CFAP91: variants seen among roughly 807,000 people sequenced by gnomAD.
The protein encoded by CFAP91 is cilia and flagella associated protein 91.
A neutral mutation model predicts 95.9 loss-of-function variants in CFAP91; 85 were observed. The observed-to-expected ratio is 0.89, with a 90% CI of 0.74 to 1.06. The LOEUF is 1.06. Among genes scored for constraint, CFAP91 ranks in the 50% least tolerant of loss-of-function variants. The pLI, the probability that CFAP91 is intolerant of heterozygous loss-of-function variation, is 0.00. For synonymous variants in CFAP91, 335 were observed against 327.5 expected, an observed-to-expected ratio of 1.02 and a Z score of -0.25; for missense variants, 962 against 943.4, an observed-to-expected ratio of 1.02 and a Z score of -0.26.
chr3:119,766,018 GA>G lies in CFAP91; in HGVS notation c.*972del, dbSNP rs1364009225. The G allele has an allele frequency of 2.6e-5, 4 of 152,194 alleles. No individual in the cohort carries two copies. Among genetic ancestry groups the G allele is most frequent in the African/African-American group, 9.7e-5 (4 of 41,448 alleles). 9.4% of individuals were successfully genotyped at this position (152,194 alleles called of 1,614,324 possible). On this transcript the variant is annotated 3_prime_UTR_variant, in exon 18 of 18. Transcript: ENST00000273390. ...TCAAAAAATAGATGCAGGCTGAAAA[GA>G]AAAGGAAGTGGGCTAAGATGGGAAA...
At chr3:119,721,850 C>T (rs1031896635) in intron 6 of CFAP91, among the ~76,000 whole-genome samples, 3 of 152,150 alleles carry the variant, frequency 2.0e-5, no homozygotes, top group East Asian at 1.9e-4. Flanking sequence ...ATACATCAGT[C>T]GCTTTCCTAT....
intron 16 of CFAP91, among the ~76,000 whole-genome samples, chr3:119,748,403 G>A (rs563962846): frequency 3.9e-5 from 6 of 152,162 alleles, no homozygotes; most frequent in Admixed American, 6.5e-5. Flanking sequence ...ATTTGTCACC[G>A]GTGGCATGTT....
intron 5 of CFAP91, chr3:119,713,058 C>T (rs1448874075): frequency 1.3e-5 from 2 of 151,282 alleles, no homozygotes; most frequent in Non-Finnish European, 2.9e-5. Context: ...GCTTGAAATG[C>T]TTTTTTAAAA....
At chr3:119,721,767 C>G (rs1408920877) in intron 6 of CFAP91, among the ~76,000 whole-genome samples, 1 of 152,180 alleles carries the variant, frequency 6.6e-6, no homozygotes, top group Non-Finnish European at 1.5e-5. Flanking sequence ...GCAAAACTAT[C>G]CTTATTTGCA....
intron 4 of CFAP91, 31 bp downstream of exon 4, chr3:119,708,705 C>T: frequency 7.9e-7 from 1 of 1,263,438 alleles, no homozygotes; most frequent in South Asian, 1.3e-5. Flanking sequence ...AATATTTGAG[C>T]CCTAATATTA....
chr3:119,748,520 T>C (rs1183974919), intron 16 of CFAP91, among the ~76,000 whole-genome samples: 1 of 152,204 alleles, frequency 6.6e-6, no homozygotes, highest in Admixed American at 6.5e-5. Flanking sequence ...GGCTTGATCC[T>C]AGACAGAGGG....
rs1310798597 is a variant in CFAP91, at chr3:119,765,653, AGTG to A, written c.*604_*606del. 6.6e-6 allele frequency: 1 copy of A among 152,224 alleles called. No individual in the cohort carries two copies. Among genetic ancestry groups the A allele is most frequent in the African/African-American group, 2.4e-5 (1 of 41,458 alleles). The allele number at this position is 152,224 out of a possible 1,614,324, so 9.4% of individuals were successfully genotyped here. ...CCACCTTTGAGCTTTAGATCTAAGAAGTGTGTTCATGCAACAGCCATAGAGATG... is the reference window on the plus strand; with the variant it reads ...CCACCTTTGAGCTTTAGATCTAAGAATGTTCATGCAACAGCCATAGAGATG... On this transcript the variant is annotated 3_prime_UTR_variant, in exon 18 of 18. Transcript: ENST00000273390.
chr3:119,740,922 G>A (rs145901381), intron 13 of CFAP91: 12 of 499,704 alleles, frequency 2.4e-5, no homozygotes, highest in South Asian at 4.1e-5. Flanking sequence ...TGATGCAGTC[G>A]TGGCTCACTG....
At position 119,732,449 on chromosome 3, in the gene CFAP91, A is replaced by G; in HGVS notation, c.1174A>G (p.Lys392Glu). 1 of 1,607,066 alleles carries G rather than the reference A, an allele frequency of 6.2e-7. No individual in the cohort carries two copies. The highest frequency in any genetic ancestry group is 8.5e-7 in the Non-Finnish European group (1 of 1,177,894). ...CAACAACTCAGAGGACTTTGTAGTAAAAAACTACTATCTCAACACCTATGA... is the reference window on the plus strand; with the variant it reads ...CAACAACTCAGAGGACTTTGTAGTAGAAAACTACTATCTCAACACCTATGA... ...PDNNSEDFVVKNYYLNTYEGL... is the reference protein window; with the variant it reads ...PDNNSEDFVVENYYLNTYEGL... The change falls in exon 9 of 18, where the codon AAA (lysine) becomes GAA (glutamate). Residue 392 changes from lysine (K) to glutamate (E), a missense_variant. Coordinates refer to ENST00000273390, the MANE Select transcript of CFAP91 (RefSeq NM_033364.4).
At chr3:119,761,683 A>C (rs750284529) in intron 17 of CFAP91, among the ~76,000 whole-genome samples, 3 of 152,024 alleles carry the variant, frequency 2.0e-5, no homozygotes, top group Non-Finnish European at 4.4e-5. Context: ...ATGGCTCAAC[A>C]TACACAAATC....
chr3:119,742,693 C>G (rs751941794), intron 13 of CFAP91, among the ~76,000 whole-genome samples: 3 of 152,134 alleles, frequency 2.0e-5, no homozygotes, highest in Non-Finnish European at 4.4e-5. Context: ...TTTTTTCCAT[C>G]TCTCCCTATT....
intron 17 of CFAP91, among the ~76,000 whole-genome samples, chr3:119,764,186 C>T (rs748370946): frequency 1.3e-5 from 2 of 151,982 alleles, no homozygotes; most frequent in Non-Finnish European, 2.9e-5. Context: ...GAATCAGAAA[C>T]GGTATTTATG....
chr3:119,713,552 A>G (rs769187277), intron 5 of CFAP91, among the ~76,000 whole-genome samples: 12 of 152,020 alleles, frequency 7.9e-5, no homozygotes, highest in Non-Finnish European at 1.6e-4. Flanking sequence ...TATGTAATTT[A>G]ATCAATGCTT....
intron 10 of CFAP91, among the ~76,000 whole-genome samples, chr3:119,735,968 CTT>C: frequency 6.8e-6 from 1 of 146,526 alleles, no homozygotes; most frequent in South Asian, 2.2e-4. Context: ...GCCTGAAGAA[CTT>C]TTTTTTTTTT....
At chr3:119,712,492 A>C (rs1217582320) in intron 5 of CFAP91, among the ~76,000 whole-genome samples, 3 of 152,234 alleles carry the variant, frequency 2.0e-5, no homozygotes, top group African/African-American at 7.2e-5. Context: ...TAATATAATA[A>C]AACTTCATGT....
intron 6 of CFAP91, among the ~76,000 whole-genome samples, chr3:119,723,102 A>G (rs894108256): frequency 6.6e-6 from 1 of 152,044 alleles, no homozygotes; most frequent in Non-Finnish European, 1.5e-5. Flanking sequence ...AAGCAACAAT[A>G]CTCCCACGAA....
intron 1 of CFAP91, among the ~76,000 whole-genome samples, chr3:119,705,313 GT>G (rs1292728566): frequency 6.6e-6 from 1 of 152,222 alleles, no homozygotes; most frequent in African/African-American, 2.4e-5. Flanking sequence ...CAGAACTGTG[GT>G]GGTGCAAAGA....
chr3:119,739,681 T>A (rs948471279), intron 12 of CFAP91, among the ~76,000 whole-genome samples: 9 of 152,228 alleles, frequency 5.9e-5, no homozygotes, highest in Non-Finnish European at 1.5e-5. Flanking sequence ...GATTCCCTAA[T>A]TTTCCACAGT....
At chr3:119,724,997 GA>G (rs56935608) in intron 6 of CFAP91, among the ~76,000 whole-genome samples, 10,130 of 152,254 alleles carry the variant, frequency 0.067, 419 homozygotes, top group Non-Finnish European at 0.1. Context: ...CAAAAGATCT[GA>G]AATAAGACAC....
Sources: gnomAD v4.1 joint callset for allele counts (sites outside exome capture counted in the v4.1 genomes callset) on GRCh38, gnomAD v4.1.1 for gene constraint, MANE v1.5 for transcripts, NCBI Gene and HGNC (gene_info 2026-07-23, HGNC 2026-07-21) for gene names.